Variants in ADCY7 observed in about 807,000 individuals in gnomAD.
The protein encoded by ADCY7 is adenylate cyclase type 7.
A neutral mutation model predicts 120.6 loss-of-function variants in ADCY7; 72 were observed. The ratio of observed to expected loss-of-function variants is 0.60; its 90% CI spans 0.49 to 0.73. ADCY7 has a LOEUF of 0.73. Ranked by LOEUF, ADCY7 falls within the 30% of genes least tolerant of loss-of-function variation. ADCY7 has a pLI of 0.00. For missense variants in ADCY7, 1,227 were observed against 1,486.0 expected (o/e 0.83, Z 2.87); for synonymous variants, 661 against 628.0 (o/e 1.05, Z -0.78).
At chr16:50,306,360 G>C (rs900894787) in intron 14 of ADCY7, among the ~76,000 whole-genome samples, 1 of 152,208 alleles carries the variant, frequency 6.6e-6, no homozygotes, top group African/African-American at 2.4e-5. Context: ...TTCACAGAGA[G>C]GAAACTGGCT....
Position 50,304,211 on chromosome 16 carries a change from A to C in ADCY7, c.1369-149A>C. 3 of 804,526 alleles carry C rather than the reference A, an allele frequency of 3.7e-6. No homozygotes were observed. In the African/African-American group the frequency reaches 5.3e-5, roughly 14 times the overall value. The allele number at this position is 804,526 out of a possible 1,614,324, so 49.8% of individuals were successfully genotyped here. A position where few individuals can be genotyped will look rare whatever the true frequency, so the allele number is the denominator to read the frequency against. ...CCAAGGGCAGCCGCTCTCCAAGGGG[A>C]CTGCGGGTTGAGCAACTTCTTTGCT... On this transcript the variant is annotated intron_variant, in intron 10 of 25. Transcript: ENST00000673801.
upstream of ADCY7, among the ~76,000 whole-genome samples, chr16:50,245,892 G>T (rs1183602211): frequency 6.9e-6 from 1 of 145,956 alleles, no homozygotes; most frequent in African/African-American, 2.5e-5. Context: ...TTCCTGCGGC[G>T]CCCCGAGCTT....
intron 1 of ADCY7, among the ~76,000 whole-genome samples, chr16:50,269,200 G>T (rs773986237): frequency 6.6e-6 from 1 of 152,200 alleles, no homozygotes; most frequent in Non-Finnish European, 1.5e-5. Flanking sequence ...TTACAGAGGA[G>T]ACAGGGCCCA....
intron 1 of ADCY7, among the ~76,000 whole-genome samples, chr16:50,280,788 G>T (rs980257331): frequency 1.3e-5 from 2 of 152,148 alleles, no homozygotes; most frequent in Admixed American, 6.5e-5. Context: ...TGGCCTCAGA[G>T]GTCTGACACA....
Position 50,318,076 on chromosome 16 carries a change from A to ATAAAG in ADCY7, c.*2574_*2578dup, listed in dbSNP as rs1049871066. ...TGTTTCAAAATGCTGTTTCATTTTT[A>ATAAAG]TAAAGTACCAGTGTTTAGCTGCTTT... is the stretch of plus-strand genomic sequence containing the variant. On this transcript the variant is annotated 3_prime_UTR_variant, in exon 26 of 26. Transcript: ENST00000673801. The ATAAAG allele has an allele frequency of 3.3e-5, 5 of 152,328 alleles. No homozygotes were observed. The highest frequency in any genetic ancestry group is 4.8e-5 in the African/African-American group (2 of 41,468). The allele number at this position is 152,328 out of a possible 1,614,324, so 9.4% of individuals were successfully genotyped here.
intron 1 of ADCY7, among the ~76,000 whole-genome samples, chr16:50,257,704 A>G (rs1353158452): frequency 2.0e-5 from 3 of 151,106 alleles, no homozygotes; most frequent in African/African-American, 4.9e-5. Context: ...TGTTTTGTAA[A>G]TGTCATATAT....
At chr16:50,255,122 C>CA (rs34287607) in intron 1 of ADCY7, among the ~76,000 whole-genome samples, 95,918 of 103,396 alleles carry the variant, frequency 0.93, 45,050 homozygotes, top group South Asian at 0.99. Flanking sequence ...CTTGTCTCTA[C>CA]AAAAAAAAAA....
rs571488441 is a variant in ADCY7 at position 50,275,579 on chromosome 16, C to T, written c.-269+8899C>T. On this transcript the variant is annotated intron_variant, in intron 1 of 25. Coordinates refer to ENST00000673801, the MANE Select transcript of ADCY7 (RefSeq NM_001114.5). ...TTCTTTCCTGCAGGACTTGTCAGAG[C>T]CTTTAATTTGCTAATGTGTATGGGG... Among the ~76,000 whole-genome samples the T allele has an allele frequency of 6.6e-5, 10 of 152,288 alleles. No homozygotes were observed. In the South Asian group the frequency reaches 2.1e-3, roughly 32 times the overall value.
At position 50,311,744 on chromosome 16, in the gene ADCY7, C is replaced by T. The variant is rs2036477210; in HGVS notation, c.2406C>T (p.Tyr802=). 2 of 1,611,190 alleles carry T rather than the reference C, an allele frequency of 1.2e-6. No homozygotes were observed. Among genetic ancestry groups the T allele is most frequent in the African/African-American group, 1.3e-5 (1 of 74,204 alleles). The change falls in exon 20 of 26, where the codon TAC becomes TAT. Residue 802 remains tyrosine, a synonymous_variant. Coordinates refer to ENST00000673801, the MANE Select transcript of ADCY7 (RefSeq NM_001114.5). The part of the protein sequence containing the change: ...WKDLKTMTNF[Y]LVLFYITLLT... ...ACCTGAAGACCATGACCAATTTCTA[C>T]CTGGTCCTGTTCTACATCACCCTGC...
intron 1 of ADCY7, among the ~76,000 whole-genome samples, chr16:50,246,799 T>A (rs1026254968): frequency 4.6e-5 from 7 of 152,112 alleles, no homozygotes; most frequent in Admixed American, 6.5e-5. Flanking sequence ...GAAGTGACAA[T>A]GGGAGCCGAC....
rs143107042 is a variant in ADCY7, at chr16:50,299,225, T to G, written c.1076+194T>G. On this transcript the variant is annotated intron_variant, in intron 8 of 25. Coordinates refer to ENST00000673801, the MANE Select transcript of ADCY7 (RefSeq NM_001114.5). ...CATCTGTTTGCGTCCCTCCCTGTGG[T>G]GCTGCCTGTGACTCTGAGTCCCAGA... 4.9e-4 allele frequency among the ~76,000 whole-genome samples: 75 copies of G among 152,336 alleles called. 1 individual carries two copies. Among genetic ancestry groups the G allele is most frequent in the African/African-American group, 6.3e-4 (26 of 41,584 alleles).
At chr16:50,244,723 G>A (rs529334657), upstream of ADCY7, among the ~76,000 whole-genome samples, 1 of 152,334 alleles carries the variant, frequency 6.6e-6, no homozygotes, top group African/African-American at 2.4e-5. Flanking sequence ...TCCCATTACC[G>A]GCGCAGGGAG....
At chr16:50,254,657 A>G (rs908165122) in intron 1 of ADCY7, among the ~76,000 whole-genome samples, 1 of 152,236 alleles carries the variant, frequency 6.6e-6, no homozygotes, top group East Asian at 1.9e-4. Flanking sequence ...ATCCATGTTC[A>G]TGGATTGGAA....
chr16:50,310,953 G>C, intron 19 of ADCY7, 73 bp downstream of exon 19: 2 of 1,433,742 alleles, frequency 1.4e-6, no homozygotes, highest in Non-Finnish European at 1.9e-6. Context: ...CTCGCACCAA[G>C]GGGCTTCTGT....
intron 1 of ADCY7, among the ~76,000 whole-genome samples, chr16:50,287,511 GAC>G (rs1167126154): frequency 3.3e-5 from 5 of 151,766 alleles, no homozygotes; most frequent in Admixed American, 6.5e-5. Context: ...AGCAGGGGGA[GAC>G]GCCCATCTCT....
intron 24 of ADCY7, chr16:50,314,634 A>G (rs2151106114): frequency 1.9e-6 from 1 of 524,376 alleles, no homozygotes; most frequent in South Asian, 2.6e-5. Context: ...GAGAACCAAA[A>G]TTATTGTCTG....
intron 8 of ADCY7, among the ~76,000 whole-genome samples, chr16:50,299,521 T>G (rs893858726): frequency 6.6e-6 from 1 of 152,190 alleles, no homozygotes; most frequent in African/African-American, 2.4e-5. Flanking sequence ...GGGAGGAATT[T>G]GCCGAGAGGG....
At chr16:50,302,306 C>T (rs1252010249) in intron 10 of ADCY7, among the ~76,000 whole-genome samples, 1 of 152,238 alleles carries the variant, frequency 6.6e-6, no homozygotes, top group Admixed American at 6.5e-5. Flanking sequence ...CTCCAGGCTG[C>T]AGCCCCCCAC....
Position 50,314,301 on chromosome 16 carries a change from C to T in ADCY7, c.2866C>T (p.Arg956Trp), listed in dbSNP as rs1460087798. The T allele has an allele frequency of 6.2e-6, 10 of 1,613,874 alleles. No individual in the cohort carries two copies. Among genetic ancestry groups the T allele is most frequent in the Admixed American group, 3.3e-5 (2 of 60,000 alleles). ...ACAGCCTGTCCCGCAGGAGCTGGAG[C>T]GGCAGCATGCCCACATTGGTGTCAT... is the stretch of plus-strand genomic sequence containing the variant. ...ASGHENQELE[R>W]QHAHIGVMVE... Residue 956 changes from arginine (R) to tryptophan (W), a missense_variant, in exon 24 of 26, where the codon CGG becomes TGG. Physicochemically the swap from Arg to Trp is moderately radical, Grantham distance 101. Around this residue, in one of 5 missense-constraint regions of ADCY7, gnomAD observed 244 missense variants for 332.8 expected, o/e 0.73. Transcript: ENST00000673801.
Sources: allele counts gnomAD v4.1 joint callset (sites outside exome capture counted in the v4.1 genomes callset), GRCh38; gene constraint gnomAD v4.1.1; regional missense constraint gnomAD v4.1.1; transcripts MANE v1.5; gene names NCBI Gene and HGNC (gene_info 2026-07-23, HGNC 2026-07-21).